RUNX1T1: variants seen among roughly 807,000 people sequenced by gnomAD.
RUNX1T1 encodes RUNX1 partner transcriptional co-repressor 1.
In RUNX1T1, 4 loss-of-function variants were observed where a neutral mutation model predicts 62.8. The observed-to-expected ratio is 0.06, with a 90% CI of 0.03 to 0.15. The LOEUF is 0.15. RUNX1T1 is among the 10% of genes least tolerant of loss of function. The probability of loss-of-function intolerance (pLI) is 1.00; values close to 1 mark genes in which losing one functional copy is unlikely to be tolerated. For synonymous variants in RUNX1T1, 291 were observed against 286.0 expected (o/e 1.02, Z -0.18); for missense variants, 508 against 754.3 (o/e 0.67, Z 3.82).
chr8:91,993,010 A>C (rs1428982625), intron 5 of RUNX1T1, among the ~76,000 whole-genome samples: 1 of 152,168 alleles, frequency 6.6e-6, no homozygotes, highest in Non-Finnish European at 1.5e-5. Context: ...CTGCTCCCAA[A>C]CTTACTTTTT....
chr8:91,978,905 A>G (rs946732864), intron 8 of RUNX1T1, among the ~76,000 whole-genome samples: 3 of 152,238 alleles, frequency 2.0e-5, no homozygotes, highest in Non-Finnish European at 4.4e-5. Context: ...CATAGGCCCA[A>G]ACTTTAACTG....
chr8:92,003,610 T>C (rs1007987932), intron 5 of RUNX1T1, among the ~76,000 whole-genome samples: 1 of 152,182 alleles, frequency 6.6e-6, no homozygotes, highest in African/African-American at 2.4e-5. Flanking sequence ...TTCATTCTTT[T>C]ACCATGGAGC....
At chr8:92,034,797 T>TACACACATATATATATACATATATACAC (rs1827056935) in intron 1 of RUNX1T1, among the ~76,000 whole-genome samples, 1 of 96,850 alleles carries the variant, frequency 1.0e-5, no homozygotes, top group African/African-American at 4.3e-5. Flanking sequence ...TATACATATA[T>TACACACATATATATATACATATATACAC]ACACACACAC....
chr8:92,008,386 TCTCACACACA>T (rs1248917758), intron 4 of RUNX1T1, among the ~76,000 whole-genome samples: 4 of 49,100 alleles, frequency 8.1e-5, no homozygotes, highest in African/African-American at 3.0e-4. Flanking sequence ...TCTCTCTCTC[TCTCACACACA>T]CACACACACA....
exon 1 of RUNX1T1, chr8:92,099,669 A>G (rs566339235): frequency 1.7e-5 from 17 of 985,266 alleles, no homozygotes; most frequent in Non-Finnish European, 2.0e-5. Context: ...TTTGCTATGA[A>G]GGGCTATGTT....
At chr8:92,001,534 T>C (rs1042525126) in intron 5 of RUNX1T1, among the ~76,000 whole-genome samples, 1 of 152,212 alleles carries the variant, frequency 6.6e-6, no homozygotes, top group African/African-American at 2.4e-5. Context: ...ATTGAAAGTT[T>C]AGAAGCGTTA....
At chr8:91,984,587 G>T (rs1184038651) in intron 8 of RUNX1T1, among the ~76,000 whole-genome samples, 2 of 152,120 alleles carry the variant, frequency 1.3e-5, no homozygotes, top group African/African-American at 4.8e-5. Context: ...CTGACTCAAT[G>T]AATGTGTTCA....
intron 8 of RUNX1T1, among the ~76,000 whole-genome samples, chr8:91,985,634 AAAATAT>A (rs1816396193): frequency 6.6e-6 from 1 of 151,652 alleles, no homozygotes; most frequent in Non-Finnish European, 1.5e-5. Context: ...AAAAAAGTTT[AAAATAT>A]AAATATATAT....
Position 92,033,724 on chromosome 8 carries a change from A to T in RUNX1T1, c.8-16361T>A, listed in dbSNP as rs575438127. The stretch of plus-strand genomic sequence containing the variant: ...CGGTGGCTCACGCCTATAATCCGAG[A>T]ACTTTGGGAGGCTGAAGCGGGCGGA... On this transcript the variant is annotated intron_variant, in intron 1 of 10. Transcript: ENST00000396218. 4.6e-5 allele frequency among the ~76,000 whole-genome samples: 7 copies of T among 152,058 alleles called. No homozygotes were observed. The East Asian group carries it at 1.4e-3, about 30-fold the overall frequency.
At chr8:92,039,755 G>C (rs1030885157) in intron 1 of RUNX1T1, among the ~76,000 whole-genome samples, 8 of 152,260 alleles carry the variant, frequency 5.3e-5, no homozygotes, top group Middle Eastern at 3.4e-3. Context: ...TCAGAATCCA[G>C]AGTCACTCTA....
At chr8:92,084,097 C>T (rs555218974) in intron 1 of RUNX1T1, among the ~76,000 whole-genome samples, 43 of 151,878 alleles carry the variant, frequency 2.8e-4, no homozygotes, top group Admixed American at 2.4e-3. Context: ...CGGGGCCTGT[C>T]GGGGTGGGGG....
chr8:91,986,065 T>G (rs1402594994), intron 8 of RUNX1T1, 59 bp downstream of exon 9: 6 of 1,123,462 alleles, frequency 5.3e-6, no homozygotes, highest in African/African-American at 1.5e-5. Context: ...AAAAATGAAG[T>G]CAGCATTAAC....
chr8:91,986,423 A>C (rs1453202958), intron 7 of RUNX1T1, 98 bp from the exon 9 acceptor site: 1 of 922,338 alleles, frequency 1.1e-6, no homozygotes, highest in Non-Finnish European at 1.7e-6. Flanking sequence ...CAATGAAGGA[A>C]GCAATTTTAT....
At chr8:91,955,996 G>A (rs1809315775), downstream of RUNX1T1, 1 of 230,078 alleles carries the variant, frequency 4.3e-6, no homozygotes, top group South Asian at 1.8e-4. Context: ...TTTAATTAGA[G>A]GAGAGGGGAC....
At chr8:92,051,305 T>C (rs533547988) in intron 1 of RUNX1T1, among the ~76,000 whole-genome samples, 1 of 152,118 alleles carries the variant, frequency 6.6e-6, no homozygotes, top group African/African-American at 2.4e-5. Flanking sequence ...CAAACATAAT[T>C]AGGTACCAGC....
chr8:92,098,054 A>ATTC (rs1837869178), intron 1 of RUNX1T1, among the ~76,000 whole-genome samples: 1 of 152,232 alleles, frequency 6.6e-6, no homozygotes, highest in Non-Finnish European at 1.5e-5. Flanking sequence ...TAAAAGGAAG[A>ATTC]AGTCCATCTG....
At chr8:91,970,566 T>G (rs934502949) in intron 10 of RUNX1T1, 92 bp downstream of exon 11, 1 of 1,201,510 alleles carries the variant, frequency 8.3e-7, no homozygotes, top group African/African-American at 1.6e-5. Flanking sequence ...TTTTTCCAAA[T>G]ATTTATCTAA....
chr8:92,027,530 G>C (rs1825447962), intron 1 of RUNX1T1, among the ~76,000 whole-genome samples: 1 of 152,162 alleles, frequency 6.6e-6, no homozygotes, highest in Admixed American at 6.5e-5. Context: ...ATTTGATGAT[G>C]ATGAGATAGG....
At chr8:92,048,273 C>A (rs1163141292) in intron 1 of RUNX1T1, among the ~76,000 whole-genome samples, 1 of 152,152 alleles carries the variant, frequency 6.6e-6, no homozygotes, top group Non-Finnish European at 1.5e-5. Flanking sequence ...CATATAGGCC[C>A]TATTTCCTTT....
Sources: allele counts gnomAD v4.1 joint callset (sites outside exome capture counted in the v4.1 genomes callset), GRCh38; gene constraint gnomAD v4.1.1; transcripts MANE v1.5; gene names NCBI Gene and HGNC (gene_info 2026-07-23, HGNC 2026-07-21).